The following GLT1D1 variants were observed in gnomAD, a reference collection of about 807,000 sequenced individuals.
GLT1D1 encodes glycosyltransferase 1 domain containing 1, also known as glycosyltransferase 1 domain-containing protein 1.
Under a neutral mutation model 28.7 loss-of-function variants are expected in GLT1D1, and 21 were observed. That is an observed-to-expected ratio of 0.73 (90% confidence interval 0.52 to 1.05). The LOEUF (loss-of-function observed/expected upper bound fraction) is 1.05. GLT1D1 is among the 50% of genes least tolerant of loss of function. GLT1D1 has a pLI of 0.00. For synonymous variants in GLT1D1, 147 were observed against 124.8 expected, an observed-to-expected ratio of 1.18 and a Z score of -1.19; for missense variants, 343 against 330.6, an observed-to-expected ratio of 1.04 and a Z score of -0.29.
At chr12:128,870,108 A>C (rs184214967) in intron 1 of GLT1D1, among the ~76,000 whole-genome samples, 1 of 151,786 alleles carries the variant, frequency 6.6e-6, no homozygotes, top group East Asian at 1.9e-4. Context: ...ACGGGGTTTC[A>C]CCATGTTGGC....
rs146429789 is a variant in GLT1D1 at position 128,965,311 on chromosome 12, A to C, written c.639+7668A>C. On this transcript the variant is annotated intron_variant, in intron 7 of 7. Transcript: ENST00000281703. ...AGGAGCTGGGGGCGACCCCTGGTTGACAGCCAGTGGGAGAAAGATGGCTTG... is the reference window on the plus strand; with the variant it reads ...AGGAGCTGGGGGCGACCCCTGGTTGCCAGCCAGTGGGAGAAAGATGGCTTG... 9.9e-4 allele frequency among the ~76,000 whole-genome samples: 151 copies of C among 152,320 alleles called. 1 individual carries two copies. The highest frequency in any genetic ancestry group is 3.5e-3 in the African/African-American group (144 of 41,582).
At chr12:128,962,577 G>A (rs1159947600) in intron 7 of GLT1D1, among the ~76,000 whole-genome samples, 3 of 152,202 alleles carry the variant, frequency 2.0e-5, no homozygotes, top group East Asian at 3.9e-4. Context: ...GCCTGGTCAG[G>A]TGCAACCCTA....
intron 7 of GLT1D1, among the ~76,000 whole-genome samples, chr12:128,964,650 T>C (rs1195430448): frequency 6.6e-6 from 1 of 152,134 alleles, no homozygotes; most frequent in Non-Finnish European, 1.5e-5. Flanking sequence ...GTGGGAGAAC[T>C]GAAGCATGGA....
At chr12:128,882,630 AATT>A (rs535301066) in intron 2 of GLT1D1, among the ~76,000 whole-genome samples, 122 of 152,252 alleles carry the variant, frequency 8.0e-4, no homozygotes, top group African/African-American at 2.7e-3. Context: ...GGTATGGACC[AATT>A]ATTATATGAA....
chr12:128,871,029 C>G (rs1956671662), intron 1 of GLT1D1, among the ~76,000 whole-genome samples: 2 of 152,036 alleles, frequency 1.3e-5, no homozygotes, highest in African/African-American at 2.4e-5. Flanking sequence ...AAATCAGAAA[C>G]TACCGATTGT....
At chr12:128,959,991 T>G (rs1211780873) in intron 7 of GLT1D1, among the ~76,000 whole-genome samples, 1 of 152,204 alleles carries the variant, frequency 6.6e-6, no homozygotes, top group South Asian at 2.1e-4. Context: ...GTTTGGCTCT[T>G]CCAATTTCAT....
At chr12:128,858,643 C>A (rs549091346) in intron 1 of GLT1D1, among the ~76,000 whole-genome samples, 346 of 151,656 alleles carry the variant, frequency 2.3e-3, no homozygotes, top group Non-Finnish European at 4.2e-3. Flanking sequence ...TGCACTCCAG[C>A]CTGGGCAACA....
At chr12:128,853,716 G>A in intron 1 of GLT1D1, 67 bp downstream of exon 1, 2 of 959,704 alleles carry the variant, frequency 2.1e-6, no homozygotes, top group Non-Finnish European at 2.5e-6. Flanking sequence ...CGCGGGACCC[G>A]GGGACGCGGG....
intron 1 of GLT1D1, among the ~76,000 whole-genome samples, chr12:128,861,479 A>G (rs1324334274): frequency 2.6e-5 from 4 of 152,216 alleles, no homozygotes; most frequent in Non-Finnish European, 5.9e-5. Flanking sequence ...GGTCTCGGGA[A>G]GAGAACAAAA....
chr12:128,970,595 T>C (rs1184034081), intron 7 of GLT1D1, among the ~76,000 whole-genome samples: 2 of 152,244 alleles, frequency 1.3e-5, no homozygotes, highest in Non-Finnish European at 1.5e-5. Context: ...TTCTGAGGCC[T>C]TGCACAGCTT....
intron 6 of GLT1D1, among the ~76,000 whole-genome samples, chr12:128,954,660 T>C (rs1877088677): frequency 6.6e-6 from 1 of 152,134 alleles, no homozygotes; most frequent in South Asian, 2.1e-4. Flanking sequence ...TATTAAGCCA[T>C]TTAATCTGGA....
chr12:128,911,709 A>G (rs1300261617), intron 4 of GLT1D1, among the ~76,000 whole-genome samples: 1 of 152,182 alleles, frequency 6.6e-6, no homozygotes, highest in Non-Finnish European at 1.5e-5. Context: ...CTGTTTCAAA[A>G]TGAACTGGAG....
In GLT1D1 at chr12:128,880,304, AACCAACCTATTGCCC is replaced by A. The variant is rs1360845383; in HGVS notation, c.217+4244_217+4258del. On this transcript the variant is annotated intron_variant, in intron 2 of 7. Coordinates refer to ENST00000281703, the MANE Select transcript of GLT1D1 (RefSeq NM_144669.3). Reference sequence around the variant, plus strand: ...GAAGGAGGAGAGGAGCCCTCTGCAAAACCAACCTATTGCCCAGAGGAAAAAAATCAATTACATTGC... The same window carrying A: ...GAAGGAGGAGAGGAGCCCTCTGCAAAAGAGGAAAAAAATCAATTACATTGC... 9.3e-4 allele frequency among the ~76,000 whole-genome samples: 142 copies of A among 152,324 alleles called. 1 individual carries two copies. Among genetic ancestry groups the A allele is most frequent in the Non-Finnish European group, 1.7e-3 (116 of 68,026 alleles).
At chr12:128,876,258 T>C (rs924614434) in intron 2 of GLT1D1, among the ~76,000 whole-genome samples, 196 bp downstream of exon 2, 1 of 152,224 alleles carries the variant, frequency 6.6e-6, no homozygotes, top group Admixed American at 6.5e-5. Context: ...GGATGTGTAT[T>C]GAAACTGTTT....
In GLT1D1 at chr12:128,939,798, C is replaced by T. The variant is rs558978258; in HGVS notation, c.376-5528C>T. Among the ~76,000 whole-genome samples the T allele has an allele frequency of 2.0e-5, 3 of 150,810 alleles. No individual in the cohort carries two copies. The South Asian group carries it at 6.3e-4, about 32-fold the overall frequency. ...CAGCCAAATCTCCTGAGAACTCCAT[C>T]GCGAGACAACACTGGGGGATGTTGC... On this transcript the variant is annotated intron_variant, in intron 4 of 7. Coordinates refer to ENST00000281703, the MANE Select transcript of GLT1D1 (RefSeq NM_144669.3).
chr12:128,914,094 T>C (rs1871836915), intron 4 of GLT1D1, among the ~76,000 whole-genome samples: 1 of 152,238 alleles, frequency 6.6e-6, no homozygotes, highest in Middle Eastern at 3.2e-3. Flanking sequence ...AAAATGTTTC[T>C]GTTACCAAGA....
In GLT1D1 at chr12:128,912,461, G is replaced by A. The variant is rs1256659206; in HGVS notation, c.375+13174G>A. 1.3e-6 allele frequency: 2 copies of A among 1,506,698 alleles called. No individual in the cohort carries two copies. Among genetic ancestry groups the A allele is most frequent in the Non-Finnish European group, 1.8e-6 (2 of 1,127,160 alleles). The allele number at this position is 1,506,698 out of a possible 1,614,324, so 93.3% of individuals were successfully genotyped here. On this transcript the variant is annotated intron_variant, in intron 4 of 7. Transcript: ENST00000281703. Reference sequence around the variant, plus strand: ...GGTAAGGTCTATGTCCAGAGTCAAGGTAAGATTTTTAAAATATTTATTTAC... The same window carrying A: ...GGTAAGGTCTATGTCCAGAGTCAAGATAAGATTTTTAAAATATTTATTTAC...
intron 4 of GLT1D1, among the ~76,000 whole-genome samples, chr12:128,915,278 CAT>C (rs1871992176): frequency 6.6e-6 from 1 of 152,094 alleles, no homozygotes; most frequent in South Asian, 2.1e-4. Context: ...ATAACAACCT[CAT>C]GTGTTCATTT....
intron 4 of GLT1D1, among the ~76,000 whole-genome samples, chr12:128,937,648 G>C (rs1403023659): frequency 2.0e-5 from 3 of 151,762 alleles, no homozygotes; most frequent in African/African-American, 7.3e-5. Context: ...CTCATCTTCA[G>C]TTGCAATCCC....
Sources: allele counts gnomAD v4.1 joint callset (sites outside exome capture counted in the v4.1 genomes callset), GRCh38; gene constraint gnomAD v4.1.1; transcripts MANE v1.5; gene names NCBI Gene and HGNC (gene_info 2026-07-23, HGNC 2026-07-21).